RHOA: variants seen among roughly 807,000 people sequenced by gnomAD.
RHOA encodes transforming protein RhoA.
RHOA carries 3 observed loss-of-function variants against 17.5 expected under a neutral mutation model. The ratio of observed to expected loss-of-function variants is 0.17; its 90% confidence interval spans 0.08 to 0.44. The LOEUF (loss-of-function observed/expected upper bound fraction) is 0.44, where lower values mean the gene tolerates loss of function less well. RHOA is among the 20% of genes least tolerant of loss of function. The pLI is 0.99. For synonymous variants in RHOA, 98 were observed against 88.4 expected (o/e 1.11, Z -0.61); for missense variants, 56 against 242.3 (o/e 0.23, Z 5.10).
intron 3 of RHOA, chr3:49,366,801 A>G (rs997369840): frequency 4.6e-5 from 7 of 152,154 alleles, no homozygotes; most frequent in Non-Finnish European, 8.8e-5. Flanking sequence ...AGGGACAACC[A>G]TAACAACACA....
rs974817775 is a variant in RHOA at position 49,359,629 on chromosome 3, T to C, written c.*580A>G. 1.4e-5 allele frequency: 3 copies of C among 209,282 alleles called. No individual in the cohort carries two copies. The highest frequency in any genetic ancestry group is 5.9e-5 in the Admixed American group (1 of 16,908). The allele number at this position is 209,282 out of a possible 1,614,324, so 13.0% of individuals were successfully genotyped here. On this transcript the variant is annotated 3_prime_UTR_variant, in exon 5 of 5. Coordinates refer to ENST00000418115, the MANE Select transcript of RHOA (RefSeq NM_001664.4). ...ACATCTAGTCTGGGGTAGATATATT[T>C]ATTTTTGGTAACATACATTAAGTGG... is the stretch of plus-strand genomic sequence containing the variant.
chr3:49,363,214 C>T (rs898630291), intron 3 of RHOA, among the ~76,000 whole-genome samples: 1 of 151,548 alleles, frequency 6.6e-6, no homozygotes, highest in Non-Finnish European at 1.5e-5. Flanking sequence ...GTCAGGAGAT[C>T]GAGACCATCC....
intron 4 of RHOA, among the ~76,000 whole-genome samples, chr3:49,360,765 A>G (rs1231439699): frequency 1.3e-5 from 2 of 151,992 alleles, no homozygotes; most frequent in African/African-American, 2.4e-5. Context: ...GCCTAAAAAA[A>G]AAAAAGACTT....
chr3:49,381,606 C>T (rs948201697), intron 1 of RHOA, among the ~76,000 whole-genome samples: 3 of 151,642 alleles, frequency 2.0e-5, no homozygotes, highest in African/African-American at 7.3e-5. Flanking sequence ...GTGGCTCACG[C>T]CTGTAATCCC....
chr3:49,386,798 T>G (rs74433784), intron 1 of RHOA, among the ~76,000 whole-genome samples: 6,118 of 152,192 alleles, frequency 0.04, 177 homozygotes, highest in Non-Finnish European at 0.063. Context: ...CTATATTCAG[T>G]ATGACCGTAT....
At chr3:49,384,676 T>C (rs1301112478) in intron 1 of RHOA, among the ~76,000 whole-genome samples, 1 of 152,022 alleles carries the variant, frequency 6.6e-6, no homozygotes, top group Non-Finnish European at 1.5e-5. Flanking sequence ...CAGCTAATTT[T>C]TGTGTTTTTT....
rs2047937331 is a variant in RHOA, at chr3:49,360,125, T to C, written c.*84A>G. Reference sequence around the variant, plus strand: ...TAATCTTAGGTAAATTATAGATAAATGAAAAAGGCCAGTAATCATACACTA... The same window carrying C: ...TAATCTTAGGTAAATTATAGATAAACGAAAAAGGCCAGTAATCATACACTA... On this transcript the variant is annotated 3_prime_UTR_variant, in exon 5 of 5. Transcript: ENST00000418115. 2.2e-6 allele frequency: 3 copies of C among 1,350,742 alleles called. No individual in the cohort carries two copies. The highest frequency in any genetic ancestry group is 3.0e-6 in the Non-Finnish European group (3 of 985,556). The allele number at this position is 1,350,742 out of a possible 1,614,324, so 83.7% of individuals were successfully genotyped here.
intron 1 of RHOA, among the ~76,000 whole-genome samples, chr3:49,383,406 C>T (rs1443779977): frequency 7.3e-6 from 1 of 136,550 alleles, no homozygotes; most frequent in African/African-American, 2.7e-5. Flanking sequence ...GTCTATAGAG[C>T]GAGAATCCAT....
At chr3:49,382,990 G>A (rs1030183434) in intron 1 of RHOA, among the ~76,000 whole-genome samples, 1 of 151,702 alleles carries the variant, frequency 6.6e-6, no homozygotes, top group Non-Finnish European at 1.5e-5. Context: ...GGAGGCAAAG[G>A]TTGCAGTGAG....
At chr3:49,383,240 C>T (rs1021029401) in intron 1 of RHOA, among the ~76,000 whole-genome samples, 3 of 151,430 alleles carry the variant, frequency 2.0e-5, no homozygotes, top group South Asian at 2.1e-4. Flanking sequence ...GAGACCATCC[C>T]GGCTAACATT....
intron 1 of RHOA, among the ~76,000 whole-genome samples, chr3:49,409,120 C>T (rs1459735851): frequency 2.0e-5 from 3 of 150,266 alleles, no homozygotes; most frequent in African/African-American, 4.9e-5. Context: ...TATGGGTGGG[C>T]GTGGTGGCTC....
intron 1 of RHOA, among the ~76,000 whole-genome samples, chr3:49,379,267 G>C (rs2048281067): frequency 6.6e-6 from 1 of 152,074 alleles, no homozygotes; most frequent in Non-Finnish European, 1.5e-5. Flanking sequence ...ATAAGTGAAA[G>C]AACCCAGTCA....
chr3:49,403,031 CATCTCATAAAAAAAAAAA>C (rs1413270134), intron 1 of RHOA, among the ~76,000 whole-genome samples: 1 of 120,962 alleles, frequency 8.3e-6, no homozygotes, highest in Non-Finnish European at 1.7e-5. Context: ...AGCGAGATTC[CATCTCATAAAAAAAAAAA>C]AAAAGAAACC....
Position 49,402,433 on chromosome 3 carries a change from A to G in RHOA, c.-3+9387T>C, listed in dbSNP as rs147259989. 3.4e-3 allele frequency among the ~76,000 whole-genome samples: 517 copies of G among 152,238 alleles called. 1 individual carries two copies. The highest frequency in any genetic ancestry group is 0.012 in the African/African-American group (490 of 41,536). On this transcript the variant is annotated intron_variant, in intron 1 of 4. Transcript: ENST00000418115. ...AGGCCGGGTGCAGTGGTTCACACCTATAATCCCACCACTTTGCGAGGCCAG... is the reference window on the plus strand; with the variant it reads ...AGGCCGGGTGCAGTGGTTCACACCTGTAATCCCACCACTTTGCGAGGCCAG...
At chr3:49,369,744 A>C (rs1321547481) in intron 2 of RHOA, among the ~76,000 whole-genome samples, 2 of 137,764 alleles carry the variant, frequency 1.5e-5, no homozygotes, top group Non-Finnish European at 3.2e-5. Context: ...CTCCATCTCT[A>C]AAAAAAAAAA....
intron 4 of RHOA, among the ~76,000 whole-genome samples, chr3:49,361,441 T>C (rs557856772): frequency 6.6e-6 from 1 of 152,308 alleles, no homozygotes; most frequent in East Asian, 1.9e-4. Flanking sequence ...TCATCACTTT[T>C]AAAAAGGCAT....
At position 49,360,281 on chromosome 3, in the gene RHOA, A is replaced by C; in HGVS notation, c.510T>G (p.Val170=). The part of the protein sequence containing the change: ...SAKTKDGVRE[V]FEMATRAALQ... The stretch of plus-strand genomic sequence containing the variant: ...GAGCAGCTCTCGTAGCCATTTCAAA[A>C]ACCTCTCTCACTCCATCTTTGGTCT... The change falls in exon 5 of 5, where the codon GTT becomes GTG. Residue 170 remains valine (V), a synonymous_variant. Coordinates refer to ENST00000418115, the MANE Select transcript of RHOA (RefSeq NM_001664.4). 6.2e-7 allele frequency: 1 copy of C among 1,614,012 alleles called. No homozygotes were observed. Among genetic ancestry groups the C allele is most frequent in the South Asian group, 1.1e-5 (1 of 91,068 alleles).
intron 1 of RHOA, among the ~76,000 whole-genome samples, chr3:49,396,607 T>C (rs1313936406): frequency 6.6e-6 from 1 of 152,004 alleles, no homozygotes; most frequent in Non-Finnish European, 1.5e-5. Context: ...CTCGGGAGGC[T>C]GAGGCAGGAG....
At chr3:49,365,132 C>A (rs996920338) in intron 3 of RHOA, 1 of 150,224 alleles carries the variant, frequency 6.7e-6, no homozygotes, top group African/African-American at 2.4e-5. Flanking sequence ...CTTCCCTCAT[C>A]TAGAACAGAA....
Sources: gnomAD v4.1 joint callset for allele counts (sites outside exome capture counted in the v4.1 genomes callset) on GRCh38, gnomAD v4.1.1 for gene constraint, MANE v1.5 for transcripts, NCBI Gene and HGNC (gene_info 2026-07-23, HGNC 2026-07-21) for gene names.